GDAP1L1: variants seen among roughly 807,000 people sequenced by gnomAD.
GDAP1L1 encodes ganglioside-induced differentiation-associated protein 1-like 1.
A neutral mutation model predicts 37.1 loss-of-function variants in GDAP1L1; 21 were observed. The ratio of observed to expected loss-of-function variants is 0.57; its 90% CI spans 0.40 to 0.81. The LOEUF is 0.81. Among genes scored for constraint, GDAP1L1 ranks in the 40% least tolerant of loss-of-function variants. The probability of loss-of-function intolerance (pLI) is 0.00; values close to 1 mark genes in which losing one functional copy is unlikely to be tolerated. For synonymous variants in GDAP1L1, 193 were observed against 209.1 expected, an observed-to-expected ratio of 0.92 and a Z score of 0.67; for missense variants, 362 against 491.6, an observed-to-expected ratio of 0.74 and a Z score of 2.49.
At chr20:44,263,906 G>C (rs1338739323) in intron 4 of GDAP1L1, among the ~76,000 whole-genome samples, 1 of 151,986 alleles carries the variant, frequency 6.6e-6, no homozygotes, top group Non-Finnish European at 1.5e-5. Context: ...ACTGAACAGG[G>C]GTTCTTGGGA....
intron 1 of GDAP1L1, among the ~76,000 whole-genome samples, chr20:44,256,127 A>G (rs918429509): frequency 6.6e-6 from 1 of 152,132 alleles, no homozygotes; most frequent in African/African-American, 2.4e-5. Flanking sequence ...TTCCAGTTTT[A>G]AGTCTGCTGC....
chr20:44,268,363 G>T (rs2062477934), intron 5 of GDAP1L1, among the ~76,000 whole-genome samples: 1 of 152,150 alleles, frequency 6.6e-6, no homozygotes, highest in Non-Finnish European at 1.5e-5. Flanking sequence ...ACAGTGCCTG[G>T]CTCAAGGTAA....
At chr20:44,249,249 A>T (rs2073393759) in intron 1 of GDAP1L1, among the ~76,000 whole-genome samples, 1 of 152,030 alleles carries the variant, frequency 6.6e-6, no homozygotes, top group Non-Finnish European at 1.5e-5. Flanking sequence ...TGTTTGCCAG[A>T]CTTGTCTCAA....
At chr20:44,277,006 A>G (rs1386850614) in intron 5 of GDAP1L1, among the ~76,000 whole-genome samples, 1 of 152,000 alleles carries the variant, frequency 6.6e-6, no homozygotes, top group African/African-American at 2.4e-5. Context: ...CTTCCATTTT[A>G]TTTTTTTAAT....
chr20:44,271,493 C>T (rs1222327655), intron 5 of GDAP1L1, among the ~76,000 whole-genome samples: 2 of 152,066 alleles, frequency 1.3e-5, no homozygotes, highest in African/African-American at 4.8e-5. Context: ...TGGATGTCAG[C>T]GGTGACCTCG....
chr20:44,258,734 T>A, intron 3 of GDAP1L1, 127 bp downstream of exon 3: 1 of 693,978 alleles, frequency 1.4e-6, no homozygotes, highest in Non-Finnish European at 2.4e-6. Flanking sequence ...CTCTCCCTCT[T>A]GCATTCTCCA....
At chr20:44,252,844 T>C (rs1437201575) in intron 1 of GDAP1L1, among the ~76,000 whole-genome samples, 1 of 150,900 alleles carries the variant, frequency 6.6e-6, no homozygotes, top group African/African-American at 2.4e-5. Flanking sequence ...AAAAAAATCC[T>C]ATGCACAACC....
chr20:44,257,064 G>T, intron 1 of GDAP1L1, 89 bp from the exon 2 acceptor site: 1 of 1,363,446 alleles, frequency 7.3e-7, no homozygotes, highest in South Asian at 1.4e-5. Context: ...TGTGACCTCT[G>T]ACCTCCCTCC....
chr20:44,262,009 T>C (rs537356243), intron 3 of GDAP1L1, among the ~76,000 whole-genome samples: 2 of 152,018 alleles, frequency 1.3e-5, no homozygotes, highest in African/African-American at 4.8e-5. Flanking sequence ...ACAGGAACAG[T>C]TGGGAAAACT....
rs964859743 is a variant in GDAP1L1, at chr20:44,280,234, G to C, written c.*934G>C. ...CGGTGCCATGGAGCCGGGGAGAGCG[G>C]GGAAGTCTCTGCATCCATGCCACCC... On this transcript the variant is annotated 3_prime_UTR_variant, in exon 6 of 6. Transcript: ENST00000342560. 1 of 160,820 alleles carries C rather than the reference G, an allele frequency of 6.2e-6. No individual in the cohort carries two copies. 10.0% of individuals were successfully genotyped at this position (160,820 alleles called of 1,614,324 possible). A position where few individuals can be genotyped will look rare whatever the true frequency, so the allele number is the denominator to read the frequency against.
At chr20:44,260,425 G>T (rs1296111386) in intron 3 of GDAP1L1, among the ~76,000 whole-genome samples, 1 of 152,106 alleles carries the variant, frequency 6.6e-6, no homozygotes, top group Non-Finnish European at 1.5e-5. Flanking sequence ...TTGGGGAGCA[G>T]AACTAAGAGA....
chr20:44,263,071 A>G (rs2073701166), intron 3 of GDAP1L1, among the ~76,000 whole-genome samples, 159 bp from the exon 4 acceptor site: 2 of 152,166 alleles, frequency 1.3e-5, no homozygotes, highest in African/African-American at 2.4e-5. Flanking sequence ...CTCATCCATC[A>G]CTACGGCACA....
chr20:44,257,067 C>T (rs936277403), intron 1 of GDAP1L1, 86 bp from the exon 2 acceptor site: 5 of 1,380,222 alleles, frequency 3.6e-6, no homozygotes, highest in Non-Finnish European at 4.8e-6. Context: ...GACCTCTGAC[C>T]TCCCTCCCCG....
intron 5 of GDAP1L1, among the ~76,000 whole-genome samples, chr20:44,268,432 T>C (rs78144159): frequency 6.6e-6 from 1 of 152,226 alleles, no homozygotes; most frequent in Non-Finnish European, 1.5e-5. Flanking sequence ...CAAATATTTA[T>C]TGAACACCTA....
At chr20:44,278,006 T>A (rs1479004435) in intron 5 of GDAP1L1, among the ~76,000 whole-genome samples, 1 of 151,874 alleles carries the variant, frequency 6.6e-6, no homozygotes, top group Non-Finnish European at 1.5e-5. Context: ...ATACAAAAAT[T>A]AGCCAAGCAT....
chr20:44,257,667 G>A (rs995942502), intron 2 of GDAP1L1, among the ~76,000 whole-genome samples: 1 of 151,842 alleles, frequency 6.6e-6, no homozygotes, highest in Non-Finnish European at 1.5e-5. Context: ...CACAGGCATG[G>A]CCCCTTCAGC....
chr20:44,258,264 A>G (rs1261279447), intron 2 of GDAP1L1, 170 bp from the exon 3 acceptor site: 1 of 739,552 alleles, frequency 1.4e-6, no homozygotes, highest in Non-Finnish European at 2.5e-6. Context: ...CAGTGAGGAG[A>G]GATGGCCGGG....
chr20:44,271,983 T>G (rs1162501588), intron 5 of GDAP1L1, among the ~76,000 whole-genome samples: 1 of 151,986 alleles, frequency 6.6e-6, no homozygotes, highest in Non-Finnish European at 1.5e-5. Flanking sequence ...TGGACAGAGG[T>G]GGTCACTGCC....
At chr20:44,252,628 G>A (rs150090393) in intron 1 of GDAP1L1, among the ~76,000 whole-genome samples, 360 of 152,140 alleles carry the variant, frequency 2.4e-3, no homozygotes, top group African/African-American at 8.3e-3. Context: ...TAACAAGAGC[G>A]AAACTCAAGC....
Sources: gnomAD v4.1 joint callset for allele counts (sites outside exome capture counted in the v4.1 genomes callset) on GRCh38, gnomAD v4.1.1 for gene constraint, MANE v1.5 for transcripts, NCBI Gene and HGNC (gene_info 2026-07-23, HGNC 2026-07-21) for gene names.